The following ALDH18A1 variants were observed in gnomAD, a reference collection of about 807,000 sequenced individuals.
ALDH18A1 encodes the protein aldehyde dehydrogenase 18 family member A1, also known as delta-1-pyrroline-5-carboxylate synthase.
In ALDH18A1, 44 loss-of-function variants were observed where a neutral mutation model predicts 88.8. The ratio of observed to expected loss-of-function variants is 0.50; its 90% CI spans 0.39 to 0.64. The LOEUF is 0.64. Ranked by LOEUF, ALDH18A1 falls within the 30% of genes least tolerant of loss-of-function variation. The pLI, the probability that ALDH18A1 is intolerant of heterozygous loss-of-function variation, is 0.00. For missense variants in ALDH18A1, 782 were observed against 1,009.5 expected, an observed-to-expected ratio of 0.77 and a Z score of 3.05; for synonymous variants, 331 against 372.1, an observed-to-expected ratio of 0.89 and a Z score of 1.27.
chr10:95,627,617 G>A, intron 8 of ALDH18A1, 31 bp from the exon 9 acceptor site: 1 of 1,613,470 alleles, frequency 6.2e-7, no homozygotes, highest in Non-Finnish European at 8.5e-7. Context: ...CAGTAAAGAT[G>A]AGATTCAGAC....
Position 95,643,113 on chromosome 10 carries a change from A to C in ALDH18A1, c.182T>G (p.Phe61Cys). Residue 61 changes from phenylalanine to cysteine, a missense_variant, in exon 3 of 18, where the codon TTC becomes TGC. This residue lies in a region of ALDH18A1 where 94 missense variants were observed against 99.5 expected (regional missense o/e 0.94). Transcript: ENST00000371224. ...ATGCTTCAGCTCACTGCGGTGGGCG[A>C]AGGACTTGCCATGTGTACGACTGAG... is the stretch of plus-strand genomic sequence containing the variant. Reference protein sequence around the residue: ...VPLSRTHGKSFAHRSELKHAK... With the variant: ...VPLSRTHGKSCAHRSELKHAK... The C allele has an allele frequency of 6.2e-7, 1 of 1,614,218 alleles. No homozygotes were observed. Among genetic ancestry groups the C allele is most frequent in the Non-Finnish European group, 8.5e-7 (1 of 1,180,048 alleles).
chr10:95,625,476 TA>T, intron 10 of ALDH18A1, 21 bp from the exon 11 acceptor site: 1 of 1,597,274 alleles, frequency 6.3e-7, no homozygotes, highest in Non-Finnish European at 8.6e-7. Context: ...GGTACACCAT[TA>T]AAAAAACAGA....
chr10:95,609,433 C>A lies in ALDH18A1; in HGVS notation c.2206+764G>T, dbSNP rs938503370. Among the ~76,000 whole-genome samples, 5 of 152,284 alleles carry A rather than the reference C, an allele frequency of 3.3e-5. No individual in the cohort carries two copies. In the South Asian group the frequency reaches 1.0e-3, roughly 32 times the overall value. On this transcript the variant is annotated intron_variant, in intron 17 of 17. Transcript: ENST00000371224. ...TATCTCCGAGGCAACCTGGCTGTGCCATTTTGACGAAATAAGTCTGTAAAA... is the reference window on the plus strand; with the variant it reads ...TATCTCCGAGGCAACCTGGCTGTGCAATTTTGACGAAATAAGTCTGTAAAA...
At chr10:95,630,791 C>T (rs2097867874) in intron 7 of ALDH18A1, among the ~76,000 whole-genome samples, 1 of 152,140 alleles carries the variant, frequency 6.6e-6, no homozygotes, top group Non-Finnish European at 1.5e-5. Flanking sequence ...CTCACACTTA[C>T]CCCAACTTAC....
At chr10:95,654,822 CT>C (rs2097915420) in intron 1 of ALDH18A1, among the ~76,000 whole-genome samples, 1 of 151,792 alleles carries the variant, frequency 6.6e-6, no homozygotes, top group South Asian at 2.1e-4. Context: ...TCAATAATGG[CT>C]GCTAAACAAT....
rs1369588770 is a variant in ALDH18A1, at chr10:95,653,401, A to C, written c.-24T>G. On this transcript the variant is annotated 5_prime_UTR_variant, in exon 2 of 18. Coordinates refer to ENST00000371224, the MANE Select transcript of ALDH18A1 (RefSeq NM_002860.4). The stretch of plus-strand genomic sequence containing the variant: ...ATGCTGCGATGTGGTCACTAACCAA[A>C]GTATCTGCAGAATACATTTTTTAAA... 1.2e-6 allele frequency: 2 copies of C among 1,612,484 alleles called. No individual in the cohort carries two copies. Among genetic ancestry groups the C allele is most frequent in the Admixed American group, 1.7e-5 (1 of 59,904 alleles).
rs572052015 is a variant in ALDH18A1, at chr10:95,653,438, G to A, written c.-28-33C>T. On this transcript the variant is annotated intron_variant, in intron 1 of 17. Coordinates refer to ENST00000371224, the MANE Select transcript of ALDH18A1 (RefSeq NM_002860.4). ...ATACATTTTTTAAAAAGTGAGTAAT[G>A]AAAAATACTGGACAATTCATTTTAT... The A allele has an allele frequency of 1.9e-5, 29 of 1,522,788 alleles. No homozygotes were observed. In the South Asian group the frequency reaches 2.8e-4, roughly 15 times the overall value. 94.3% of individuals were successfully genotyped at this position (1,522,788 alleles called of 1,614,324 possible).
chr10:95,653,417 AT>A lies in ALDH18A1; in HGVS notation c.-28-13del, dbSNP rs2097913492. On this transcript the variant is annotated splice_polypyrimidine_tract_variant and intron_variant, in intron 1 of 17. Coordinates refer to ENST00000371224, the MANE Select transcript of ALDH18A1 (RefSeq NM_002860.4). ...ACTAACCAAAGTATCTGCAGAATACATTTTTTAAAAAGTGAGTAATGAAAAA... is the reference window on the plus strand; with the variant it reads ...ACTAACCAAAGTATCTGCAGAATACATTTTTAAAAAGTGAGTAATGAAAAA... The A allele has an allele frequency of 1.2e-6, 2 of 1,603,844 alleles. No homozygotes were observed. Among genetic ancestry groups the A allele is most frequent in the Non-Finnish European group, 1.7e-6 (2 of 1,171,046 alleles).
intron 11 of ALDH18A1, among the ~76,000 whole-genome samples, chr10:95,623,723 G>C (rs553933618): frequency 6.6e-6 from 1 of 152,292 alleles, no homozygotes; most frequent in African/African-American, 2.4e-5. Context: ...GCGCCACCAA[G>C]CCCGGCTAAT....
intron 1 of ALDH18A1, among the ~76,000 whole-genome samples, chr10:95,654,095 A>T (rs558685570): frequency 4.3e-4 from 65 of 152,168 alleles, no homozygotes; most frequent in African/African-American, 1.5e-3. Flanking sequence ...GACAAAGAAT[A>T]GTTTATTTCA....
Position 95,614,112 on chromosome 10 carries a change from A to G in ALDH18A1, c.1655T>C (p.Ile552Thr), listed in dbSNP as rs761599531. 6 of 1,614,124 alleles carry G rather than the reference A, an allele frequency of 3.7e-6. No homozygotes were observed. In the Admixed American group the frequency reaches 8.3e-5, roughly 22 times the overall value. Residue 552 changes from isoleucine (I) to threonine (T), a missense_variant, in exon 14 of 18, where the codon ATA (isoleucine) becomes ACA (threonine). Physicochemically the swap from Ile to Thr is moderately conservative, Grantham distance 89. Transcript: ENST00000371224. ...AGAGCCACGTGGAATGATCAGATCT[A>G]TCATTTTGTCTAGGCGGCAAAGATC... The part of the protein sequence containing the change: ...VEDLCRLDKM[I>T]DLIIPRGSSQ...
intron 2 of ALDH18A1, among the ~76,000 whole-genome samples, chr10:95,646,691 C>T (rs569707113): frequency 1.1e-3 from 172 of 152,240 alleles, no homozygotes; most frequent in African/African-American, 3.9e-3. Context: ...AAATTCAAGG[C>T]TTCTAGAGAA....
intron 2 of ALDH18A1, among the ~76,000 whole-genome samples, chr10:95,650,414 T>C (rs532846636): frequency 6.6e-6 from 1 of 152,208 alleles, no homozygotes; most frequent in Non-Finnish European, 1.5e-5. Context: ...TGATCCCCAG[T>C]GTTGGAGGTG....
intron 3 of ALDH18A1, among the ~76,000 whole-genome samples, chr10:95,638,390 G>A (rs1238975571): frequency 2.6e-5 from 4 of 152,182 alleles, no homozygotes; most frequent in Non-Finnish European, 4.4e-5. Context: ...GGACTTGACT[G>A]TATTAGGTTG....
At chr10:95,632,201 G>A (rs2097871428) in intron 7 of ALDH18A1, among the ~76,000 whole-genome samples, 1 of 152,136 alleles carries the variant, frequency 6.6e-6, no homozygotes, top group African/African-American at 2.4e-5. Flanking sequence ...AAAATATACT[G>A]GAGACTGCCT....
In ALDH18A1 at chr10:95,611,281, G is replaced by C; in HGVS notation, c.2085C>G (p.His695Gln). The C allele has an allele frequency of 3.1e-6, 5 of 1,614,162 alleles. No individual in the cohort carries two copies. Among genetic ancestry groups the C allele is most frequent in the Non-Finnish European group, 4.2e-6 (5 of 1,180,022 alleles). ...CGTCCTCTGTGACGATGACATCCGT[G>C]TGGGAGCTGCCATACTTGTGGATGT... is the stretch of plus-strand genomic sequence containing the variant. ...IDHIHKYGSS[H>Q]TDVIVTEDEN... The change falls in exon 16 of 18, where the codon CAC becomes CAG. Residue 695 changes from histidine (H) to glutamine (Q), a missense_variant. By Grantham distance (24) the His-to-Gln change is conservative. This residue lies in a region of ALDH18A1 where 556 missense variants were observed against 654.5 expected (regional missense o/e 0.85). Transcript: ENST00000371224.
chr10:95,635,808 A>T (rs2097879570), intron 5 of ALDH18A1, among the ~76,000 whole-genome samples: 1 of 151,960 alleles, frequency 6.6e-6, no homozygotes, highest in Non-Finnish European at 1.5e-5. Context: ...ACAAAAACAA[A>T]CTCTCAAAAG....
intron 2 of ALDH18A1, among the ~76,000 whole-genome samples, chr10:95,650,124 T>C (rs2097908040): frequency 6.6e-6 from 1 of 151,976 alleles, no homozygotes; most frequent in Non-Finnish European, 1.5e-5. Context: ...TATCGAACTT[T>C]CGGGAAAAAA....
intron 17 of ALDH18A1, among the ~76,000 whole-genome samples, chr10:95,608,769 G>A (rs1275437910): frequency 1.3e-5 from 2 of 152,350 alleles, no homozygotes; most frequent in South Asian, 2.1e-4. Flanking sequence ...TCAAAGTGCC[G>A]GGATTACAGG....
Sources: allele counts gnomAD v4.1 joint callset (sites outside exome capture counted in the v4.1 genomes callset), GRCh38; gene constraint gnomAD v4.1.1; regional missense constraint gnomAD v4.1.1; transcripts MANE v1.5; gene names NCBI Gene and HGNC (gene_info 2026-07-23, HGNC 2026-07-21).